CNIH3: variants seen among roughly 807,000 people sequenced by gnomAD.
CNIH3 encodes the protein cornichon family AMPA receptor auxiliary protein 3.
CNIH3 carries 14 observed loss-of-function variants against 24.1 expected under a neutral mutation model. The observed-to-expected ratio is 0.58, with a 90% CI of 0.38 to 0.91. The LOEUF is 0.91. Ranked by LOEUF, CNIH3 falls within the 40% of genes least tolerant of loss-of-function variation. The pLI is 0.00. For missense variants in CNIH3, 178 were observed against 196.8 expected (o/e 0.90, Z 0.57); for synonymous variants, 68 against 73.8 (o/e 0.92, Z 0.40).
At chr1:224,670,852 A>T (rs1429178593) in intron 1 of CNIH3, among the ~76,000 whole-genome samples, 1 of 152,268 alleles carries the variant, frequency 6.6e-6, no homozygotes, top group Non-Finnish European at 1.5e-5. Context: ...TGTCAATGTG[A>T]CTTGGCTATG....
At chr1:224,598,869 A>C (rs1682095769) in intron 3 of CNIH3, among the ~76,000 whole-genome samples, 5 of 152,240 alleles carry the variant, frequency 3.3e-5, no homozygotes, top group Admixed American at 3.3e-4. Flanking sequence ...AAACCAAAAA[A>C]TTCATGTGAC....
chr1:224,552,381 T>G lies in CNIH3; in HGVS notation n.450+5442T>G, dbSNP rs919457187. On this transcript the variant is annotated intron_variant and non_coding_transcript_variant, in intron 3 of 5. Coordinates refer to the CNIH3 transcript ENST00000471578. ...TTTACATTCCCTGTGATATTAGGAGTAATATATCATCTCCCTTAGATATTA... is the reference window on the plus strand; with the variant it reads ...TTTACATTCCCTGTGATATTAGGAGGAATATATCATCTCCCTTAGATATTA... 9.9e-5 allele frequency among the ~76,000 whole-genome samples: 15 copies of G among 151,206 alleles called. 1 individual carries two copies. The highest frequency in any genetic ancestry group is 3.6e-4 in the African/African-American group (15 of 41,138).
At chr1:224,527,874 A>G (rs573538484) in intron 2 of CNIH3, among the ~76,000 whole-genome samples, 11 of 152,366 alleles carry the variant, frequency 7.2e-5, no homozygotes, top group African/African-American at 2.4e-4. Context: ...ATGCATATAC[A>G]TATATCTATA....
chr1:224,647,061 G>A (rs1007717835), intron 1 of CNIH3, among the ~76,000 whole-genome samples: 5 of 151,972 alleles, frequency 3.3e-5, no homozygotes, highest in Non-Finnish European at 5.9e-5. Context: ...GTCTCGGCTC[G>A]CTGCAACCTC....
chr1:224,473,845 A>G lies in CNIH3; in HGVS notation n.203+38983A>G, dbSNP rs193158426. On this transcript the variant is annotated intron_variant and non_coding_transcript_variant, in intron 1 of 5. Coordinates refer to the CNIH3 transcript ENST00000471578. Reference sequence around the variant, plus strand: ...TTCATCCAATGGCTGCAGAACACACATTCTTTTCCTTAGCACATGGATCAT... The same window carrying G: ...TTCATCCAATGGCTGCAGAACACACGTTCTTTTCCTTAGCACATGGATCAT... 2.0e-5 allele frequency among the ~76,000 whole-genome samples: 3 copies of G among 152,346 alleles called. No homozygotes were observed. The East Asian group carries it at 5.8e-4, about 29-fold the overall frequency.
At chr1:224,471,794 C>T (rs1676383674) in intron 1 of CNIH3, among the ~76,000 whole-genome samples, 1 of 151,914 alleles carries the variant, frequency 6.6e-6, no homozygotes, top group Non-Finnish European at 1.5e-5. Context: ...CTTTCACCAT[C>T]TTGGCCAGGC....
chr1:224,528,520 G>A (rs1016392236), intron 2 of CNIH3, among the ~76,000 whole-genome samples: 1 of 151,972 alleles, frequency 6.6e-6, no homozygotes, highest in East Asian at 1.9e-4. Flanking sequence ...TGGGGGTCTC[G>A]CTTTGTTGCC....
At chr1:224,505,221 C>A (rs1330702036) in intron 1 of CNIH3, among the ~76,000 whole-genome samples, 2 of 151,572 alleles carry the variant, frequency 1.3e-5, no homozygotes, top group African/African-American at 4.9e-5. Context: ...ATTGTTTGAG[C>A]CCGGGAAGTC....
rs545471347 is a variant in CNIH3, at chr1:224,638,339, C to A, written c.81+21084C>A. 2.1e-3 allele frequency among the ~76,000 whole-genome samples: 316 copies of A among 152,360 alleles called. 1 individual carries two copies. Among genetic ancestry groups the A allele is most frequent in the African/African-American group, 7.1e-3 (294 of 41,580 alleles). Reference sequence around the variant, plus strand: ...GGATGTTGACAGGGTTTTGGCCCAGCGCCTGCCTCCAGCATCAGCCTTTTT... The same window carrying A: ...GGATGTTGACAGGGTTTTGGCCCAGAGCCTGCCTCCAGCATCAGCCTTTTT... On this transcript the variant is annotated intron_variant, in intron 1 of 5. Coordinates refer to ENST00000272133, the MANE Select transcript of CNIH3 (RefSeq NM_152495.2).
At chr1:224,574,207 A>C (rs1034609705) in intron 4 of CNIH3, among the ~76,000 whole-genome samples, 2 of 152,168 alleles carry the variant, frequency 1.3e-5, no homozygotes, top group African/African-American at 4.8e-5. Flanking sequence ...TGGCCATAAT[A>C]AAAGGACCCA....
intron 1 of CNIH3, among the ~76,000 whole-genome samples, chr1:224,469,823 T>C (rs1421883733): frequency 6.6e-6 from 1 of 152,210 alleles, no homozygotes; most frequent in Admixed American, 6.5e-5. Context: ...TTTGGTTAGA[T>C]CAATATTTCC....
intron 1 of CNIH3, among the ~76,000 whole-genome samples, chr1:224,462,437 G>A (rs1254653434): frequency 1.3e-5 from 2 of 152,034 alleles, no homozygotes; most frequent in Admixed American, 6.5e-5. Flanking sequence ...ATGCTCAAGC[G>A]ACTCTCCTGT....
downstream of CNIH3, among the ~76,000 whole-genome samples, chr1:224,538,297 G>C (rs1005857885): frequency 6.6e-6 from 1 of 152,088 alleles, no homozygotes; most frequent in Non-Finnish European, 1.5e-5. Context: ...GCTTTACCAA[G>C]TTCTAGATTC....
At chr1:224,592,408 T>C (rs999684600), downstream of CNIH3, among the ~76,000 whole-genome samples, 1 of 152,220 alleles carries the variant, frequency 6.6e-6, no homozygotes, top group African/African-American at 2.4e-5. Flanking sequence ...ATCACGGCAG[T>C]AATATTCAGA....
At chr1:224,616,256 A>C (rs1480070140), upstream of CNIH3, 4 of 170,118 alleles carry the variant, frequency 2.4e-5, no homozygotes, top group African/African-American at 7.2e-5. Flanking sequence ...GCTCAGCGGA[A>C]CAGGAGTCGA....
chr1:224,543,059 A>C (rs1295336639), intron 2 of CNIH3, among the ~76,000 whole-genome samples: 1 of 152,218 alleles, frequency 6.6e-6, no homozygotes, highest in African/African-American at 2.4e-5. Flanking sequence ...TGAGATTAGA[A>C]GGTTGGAGCT....
downstream of CNIH3, among the ~76,000 whole-genome samples, chr1:224,589,599 T>C (rs1193239449): frequency 6.6e-6 from 1 of 152,198 alleles, no homozygotes; most frequent in Non-Finnish European, 1.5e-5. Context: ...TAATGTGATA[T>C]TTCTGTCCAA....
chr1:224,561,516 G>A (rs1429849718), intron 3 of CNIH3, among the ~76,000 whole-genome samples: 2 of 152,156 alleles, frequency 1.3e-5, no homozygotes, highest in Non-Finnish European at 2.9e-5. Context: ...AGCTGCGTCT[G>A]TCCCTCATTG....
At chr1:224,728,817 G>A (rs1333331728) in intron 3 of CNIH3, among the ~76,000 whole-genome samples, 1 of 152,204 alleles carries the variant, frequency 6.6e-6, no homozygotes, top group South Asian at 2.1e-4. Flanking sequence ...GTAAACATAT[G>A]CACTTGGTCA....
Sources: gnomAD v4.1 joint callset for allele counts (sites outside exome capture counted in the v4.1 genomes callset) on GRCh38, gnomAD v4.1.1 for gene constraint, MANE v1.5 for transcripts, NCBI Gene and HGNC (gene_info 2026-07-23, HGNC 2026-07-21) for gene names.